The following TBCEL variants were observed in gnomAD, a reference collection of about 807,000 sequenced individuals.
TBCEL encodes the protein tubulin-specific chaperone cofactor E-like protein.
Under a neutral mutation model 44.2 loss-of-function variants are expected in TBCEL, and 15 were observed. The ratio of observed to expected loss-of-function variants is 0.34; its 90% CI spans 0.23 to 0.52. The LOEUF (loss-of-function observed/expected upper bound fraction) is 0.52. Ranked by LOEUF, TBCEL falls within the 20% of genes least tolerant of loss-of-function variation. TBCEL has a pLI of 0.95. For missense variants in TBCEL, 319 were observed against 506.3 expected (o/e 0.63, Z 3.55); for synonymous variants, 171 against 185.4 (o/e 0.92, Z 0.63).
intron 8 of TBCEL, among the ~76,000 whole-genome samples, chr11:121,073,626 C>T (rs533667488): frequency 5.9e-5 from 9 of 151,628 alleles, no homozygotes; most frequent in South Asian, 4.2e-4. Context: ...ATTTAAAATG[C>T]GCAGTAAAAG....
In TBCEL at chr11:121,090,776, A is replaced by C. The variant is rs111303201; in HGVS notation, c.*3680A>C. 226 of 151,844 alleles carry C rather than the reference A, an allele frequency of 1.5e-3. 1 individual carries two copies. Among genetic ancestry groups the C allele is most frequent in the African/African-American group, 4.7e-3 (196 of 41,470 alleles). The allele number at this position is 151,844 out of a possible 1,614,324, so 9.4% of individuals were successfully genotyped here. On this transcript the variant is annotated 3_prime_UTR_variant, in exon 9 of 9. Coordinates refer to ENST00000683345, the MANE Select transcript of TBCEL (RefSeq NM_001363644.2). The stretch of plus-strand genomic sequence containing the variant: ...AAAAATTAAAATTCAAGTCCATTTT[A>C]TCTTTGTGTTCTGATTTTTTTTCTG...
chr11:121,051,397 G>A (rs1945525929), intron 4 of TBCEL, among the ~76,000 whole-genome samples: 1 of 151,690 alleles, frequency 6.6e-6, no homozygotes, highest in African/African-American at 2.4e-5. Flanking sequence ...TTATTTAACT[G>A]GGGTTGTCCT....
intron 1 of TBCEL, among the ~76,000 whole-genome samples, chr11:121,025,539 AT>A (rs1945030787): frequency 6.6e-6 from 1 of 152,080 alleles, no homozygotes; most frequent in South Asian, 2.1e-4. Flanking sequence ...GCTAATTTCT[AT>A]TATATTCCAC....
At position 121,072,086 on chromosome 11, in the gene TBCEL, C is replaced by T. The variant is rs1945944763; in HGVS notation, c.956+12001C>T. On this transcript the variant is annotated intron_variant, in intron 8 of 8. Coordinates refer to ENST00000683345, the MANE Select transcript of TBCEL (RefSeq NM_001363644.2). ...AGAGCCTCTGAAATGTTAGCTTTCC[C>T]TGTTGCTTACAGCCTTTGTCATTCC... Among the ~76,000 whole-genome samples, 4 of 152,318 alleles carry T rather than the reference C, an allele frequency of 2.6e-5. No homozygotes were observed. The South Asian group carries it at 8.3e-4, about 32-fold the overall frequency.
intron 8 of TBCEL, among the ~76,000 whole-genome samples, chr11:121,071,842 T>C (rs138438172): frequency 6.6e-6 from 1 of 152,294 alleles, no homozygotes; most frequent in East Asian, 1.9e-4. Flanking sequence ...TGGAGAAATC[T>C]TAGTGTGCTG....
At chr11:121,086,660 A>G in intron 8 of TBCEL, 118 bp from the exon 9 acceptor site, 1 of 765,370 alleles carries the variant, frequency 1.3e-6, no homozygotes, top group Non-Finnish European at 2.1e-6. Context: ...GTCATGTGAT[A>G]GAATAAGATT....
intron 2 of TBCEL, among the ~76,000 whole-genome samples, chr11:121,038,513 G>T (rs1434444716): frequency 6.6e-6 from 1 of 151,918 alleles, no homozygotes; most frequent in Non-Finnish European, 1.5e-5. Flanking sequence ...GTGGATAGTT[G>T]TTCAAAAGAA....
chr11:121,059,821 G>C lies in TBCEL; in HGVS notation c.840-148G>C, dbSNP rs143994852. The C allele has an allele frequency of 3.2e-4, 191 of 594,414 alleles. 1 individual carries two copies. The East Asian group carries it at 5.3e-3, about 16-fold the overall frequency. 36.8% of individuals were successfully genotyped at this position (594,414 alleles called of 1,614,324 possible). A position where few individuals can be genotyped will look rare whatever the true frequency, so the allele number is the denominator to read the frequency against. On this transcript the variant is annotated intron_variant, in intron 7 of 8. Transcript: ENST00000683345. The stretch of plus-strand genomic sequence containing the variant: ...TGTCCTTTCGGTTTAGACCACTTTA[G>C]TTCATGTCAGTAGTTGTATACAAAT...
At chr11:121,058,818 T>C (rs780338342) in intron 7 of TBCEL, among the ~76,000 whole-genome samples, 1 of 151,936 alleles carries the variant, frequency 6.6e-6, no homozygotes, top group Non-Finnish European at 1.5e-5. Context: ...TCTGTTAACA[T>C]GTTGATCATT....
At position 121,089,997 on chromosome 11, in the gene TBCEL, G is replaced by A. The variant is rs1946268036; in HGVS notation, c.*2901G>A. 6.6e-6 allele frequency: 1 copy of A among 152,132 alleles called. No homozygotes were observed. Among genetic ancestry groups the A allele is most frequent in the Admixed American group, 6.6e-5 (1 of 15,266 alleles). The allele number at this position is 152,132 out of a possible 1,614,324, so 9.4% of individuals were successfully genotyped here. A position where few individuals can be genotyped will look rare whatever the true frequency, so the allele number is the denominator to read the frequency against. The stretch of plus-strand genomic sequence containing the variant: ...TTGAATTGTTGAAATATCCTAGATT[G>A]CTTTAATGGAAAAAATCCAGAGTCA... On this transcript the variant is annotated 3_prime_UTR_variant, in exon 9 of 9. Coordinates refer to ENST00000683345, the MANE Select transcript of TBCEL (RefSeq NM_001363644.2).
chr11:121,047,900 A>G (rs995558217), intron 4 of TBCEL: 5 of 329,944 alleles, frequency 1.5e-5, no homozygotes, highest in African/African-American at 1.1e-4. Flanking sequence ...ATTCAAGACC[A>G]GTCTGGGCAA....
Position 121,061,392 on chromosome 11 carries a change from T to C in TBCEL, c.956+1307T>C, listed in dbSNP as rs188800375. ...ATGTAGACAGACACACACATACACATATATATATATACATGTACATACATA... is the reference window on the plus strand; with the variant it reads ...ATGTAGACAGACACACACATACACACATATATATATACATGTACATACATA... On this transcript the variant is annotated intron_variant, in intron 8 of 8. Transcript: ENST00000683345. Among the ~76,000 whole-genome samples, 718 of 151,544 alleles carry C rather than the reference T, an allele frequency of 4.7e-3. 5 individuals carry two copies. Among genetic ancestry groups the C allele is most frequent in the Middle Eastern group, 0.017 (5 of 294 alleles).
chr11:121,030,325 A>T (rs1445661609), intron 1 of TBCEL, among the ~76,000 whole-genome samples: 3 of 152,194 alleles, frequency 2.0e-5, no homozygotes, highest in Admixed American at 6.5e-5. Flanking sequence ...GGCGACCATG[A>T]TGAAGAGATT....
At chr11:121,047,388 C>T (rs1395682937) in intron 3 of TBCEL, 140 bp from the exon 4 acceptor site, 7 of 1,008,756 alleles carry the variant, frequency 6.9e-6, no homozygotes, top group African/African-American at 6.5e-5. Flanking sequence ...CCCTTTGGTC[C>T]CATTATATCC....
intron 1 of TBCEL, among the ~76,000 whole-genome samples, chr11:121,025,240 G>A (rs577001613): frequency 1.1e-4 from 16 of 152,270 alleles, no homozygotes; most frequent in Admixed American, 9.2e-4. Flanking sequence ...AGGCTGAGCT[G>A]GGGCTTGTCC....
At chr11:121,038,244 G>A (rs1031823442) in intron 2 of TBCEL, among the ~76,000 whole-genome samples, 2 of 152,152 alleles carry the variant, frequency 1.3e-5, no homozygotes, top group African/African-American at 4.8e-5. Flanking sequence ...GATTACAGGC[G>A]TGAACCACTG....
intron 8 of TBCEL, among the ~76,000 whole-genome samples, chr11:121,065,916 A>G (rs1023553373): frequency 1.3e-5 from 2 of 152,230 alleles, no homozygotes; most frequent in Non-Finnish European, 2.9e-5. Flanking sequence ...TAGGCCAGAA[A>G]CCAATCCTAA....
At chr11:121,025,656 G>A (rs2134864831) in intron 1 of TBCEL, among the ~76,000 whole-genome samples, 1 of 151,842 alleles carries the variant, frequency 6.6e-6, no homozygotes, top group East Asian at 1.9e-4. Flanking sequence ...TTTATTTGGT[G>A]TCAATCAGTG....
chr11:121,028,241 G>T (rs1045011769), intron 1 of TBCEL, among the ~76,000 whole-genome samples: 2 of 151,650 alleles, frequency 1.3e-5, no homozygotes, highest in African/African-American at 4.9e-5. Context: ...ATAAAATAAA[G>T]CAGATCCCTG....
Sources: gnomAD v4.1 joint callset for allele counts (sites outside exome capture counted in the v4.1 genomes callset) on GRCh38, gnomAD v4.1.1 for gene constraint, MANE v1.5 for transcripts, NCBI Gene and HGNC (gene_info 2026-07-23, HGNC 2026-07-21) for gene names.